ADAMTS12: variants seen among roughly 807,000 people sequenced by gnomAD.
The protein encoded by ADAMTS12 is ADAM metallopeptidase with thrombospondin type 1 motif 12.
A neutral mutation model predicts 167.8 loss-of-function variants in ADAMTS12; 118 were observed. That is an observed-to-expected ratio of 0.70 (90% CI 0.61 to 0.82). The LOEUF (loss-of-function observed/expected upper bound fraction) is 0.82, where lower values mean the gene tolerates loss of function less well. Among genes scored for constraint, ADAMTS12 ranks in the 40% least tolerant of loss-of-function variants. The pLI, the probability that ADAMTS12 is intolerant of heterozygous loss-of-function variation, is 0.00. For missense variants in ADAMTS12, 1,916 were observed against 1,998.8 expected (o/e 0.96, Z 0.79); for synonymous variants, 704 against 716.9 (o/e 0.98, Z 0.29).
chr5:33,891,177 A>G (rs1360482616), intron 1 of ADAMTS12, among the ~76,000 whole-genome samples: 4 of 152,172 alleles, frequency 2.6e-5, no homozygotes, highest in African/African-American at 4.8e-5. Context: ...GGAAAAAGTG[A>G]GCCCTTATGG....
intron 2 of ADAMTS12, among the ~76,000 whole-genome samples, chr5:33,796,617 G>T (rs1453802591): frequency 6.6e-6 from 1 of 152,106 alleles, no homozygotes; most frequent in Non-Finnish European, 1.5e-5. Flanking sequence ...CCAATGAGTT[G>T]TAAGAGTAAA....
chr5:33,653,805 T>C (rs969084847), intron 7 of ADAMTS12, among the ~76,000 whole-genome samples: 2 of 152,186 alleles, frequency 1.3e-5, no homozygotes, highest in Non-Finnish European at 2.9e-5. Flanking sequence ...TTTAACCTGG[T>C]TGAGTTTCTC....
intron 1 of ADAMTS12, chr5:33,891,518 C>T (rs1580031735): frequency 1.6e-6 from 1 of 631,848 alleles, no homozygotes; most frequent in Non-Finnish European, 2.7e-6. Context: ...GAGGTACTCA[C>T]CTTTCTATAA....
chr5:33,572,125 G>A (rs1053041964), intron 19 of ADAMTS12, among the ~76,000 whole-genome samples: 4 of 151,984 alleles, frequency 2.6e-5, no homozygotes, highest in Non-Finnish European at 5.9e-5. Flanking sequence ...CAACCAAAAA[G>A]AGTCCAGGAC....
At chr5:33,747,255 G>T (rs1373861685) in intron 3 of ADAMTS12, among the ~76,000 whole-genome samples, 1 of 152,134 alleles carries the variant, frequency 6.6e-6, no homozygotes, top group East Asian at 1.9e-4. Context: ...GTCCAGGGGA[G>T]ACAACTATTC....
At chr5:33,563,581 C>A (rs181448054) in intron 19 of ADAMTS12, among the ~76,000 whole-genome samples, 1 of 152,292 alleles carries the variant, frequency 6.6e-6, no homozygotes, top group Admixed American at 6.5e-5. Context: ...CACATCAGCA[C>A]CATATGAACA....
intron 2 of ADAMTS12, among the ~76,000 whole-genome samples, chr5:33,836,568 C>T (rs1251730964): frequency 6.6e-6 from 1 of 152,092 alleles, no homozygotes; most frequent in Non-Finnish European, 1.5e-5. Flanking sequence ...GGGAGGCAGA[C>T]AACGGGACCA....
chr5:33,883,804 A>T (rs184372225), intron 1 of ADAMTS12, among the ~76,000 whole-genome samples: 4 of 152,314 alleles, frequency 2.6e-5, no homozygotes, highest in African/African-American at 9.6e-5. Context: ...CCATGAACTG[A>T]GGTGTATAAC....
chr5:33,688,337 A>G (rs981571408), intron 3 of ADAMTS12, among the ~76,000 whole-genome samples: 1 of 152,204 alleles, frequency 6.6e-6, no homozygotes, highest in African/African-American at 2.4e-5. Flanking sequence ...GAAAATTTCC[A>G]GTGCTGAGAG....
At chr5:33,558,876 T>C (rs1196416214) in intron 20 of ADAMTS12, among the ~76,000 whole-genome samples, 1 of 149,890 alleles carries the variant, frequency 6.7e-6, no homozygotes, top group Non-Finnish European at 1.5e-5. Context: ...TGTTATGAGT[T>C]GGAAGAGAAA....
chr5:33,836,824 G>A (rs1186951090), intron 2 of ADAMTS12, among the ~76,000 whole-genome samples: 2 of 152,180 alleles, frequency 1.3e-5, no homozygotes, highest in African/African-American at 4.8e-5. Context: ...CTAGGCCAAG[G>A]TGGCCAGAGC....
chr5:33,592,251 CA>C (rs1175762269), intron 17 of ADAMTS12, among the ~76,000 whole-genome samples: 1 of 150,468 alleles, frequency 6.6e-6, no homozygotes. Context: ...ACAAAAAAAA[CA>C]AAAAACAAAA....
At chr5:33,751,267 G>C in intron 3 of ADAMTS12, 137 bp downstream of exon 3, 1 of 1,057,314 alleles carries the variant, frequency 9.5e-7, no homozygotes, top group Non-Finnish European at 1.4e-6. Flanking sequence ...GAAGAGATTT[G>C]AATGTCATGA....
rs186422115 is a variant in ADAMTS12 at position 33,544,553 on chromosome 5, A to C, written c.4446+1506T>G. ...AACCAAAAAAGAGCCTGCAGTGCCA[A>C]GTCAATCCTAAGCAAAAAGAACAAA... On this transcript the variant is annotated intron_variant, in intron 22 of 23. Coordinates refer to ENST00000504830, the MANE Select transcript of ADAMTS12 (RefSeq NM_030955.4). Among the ~76,000 whole-genome samples, 451 of 152,340 alleles carry C rather than the reference A, an allele frequency of 3.0e-3. 5 individuals are homozygous for C. The highest frequency in any genetic ancestry group is 0.01 in the African/African-American group (431 of 41,574).
intron 2 of ADAMTS12, among the ~76,000 whole-genome samples, chr5:33,861,124 C>T (rs1749599911): frequency 6.6e-6 from 1 of 152,178 alleles, no homozygotes; most frequent in South Asian, 2.1e-4. Flanking sequence ...ACTGCATCAA[C>T]TAACAGCCAA....
At chr5:33,867,522 T>C (rs1749867584) in intron 2 of ADAMTS12, among the ~76,000 whole-genome samples, 1 of 152,200 alleles carries the variant, frequency 6.6e-6, no homozygotes, top group South Asian at 2.1e-4. Context: ...GTACACTAGT[T>C]GGGTGATGCG....
intron 2 of ADAMTS12, among the ~76,000 whole-genome samples, chr5:33,765,602 TTGCTGGA>T (rs1352060417): frequency 5.1e-4 from 78 of 152,314 alleles, no homozygotes; most frequent in African/African-American, 1.8e-3. Context: ...GGAGATGAAC[TTGCTGGA>T]AGCAAATGAC....
intron 2 of ADAMTS12, among the ~76,000 whole-genome samples, chr5:33,753,036 T>C (rs1016996459): frequency 1.3e-5 from 2 of 152,202 alleles, no homozygotes; most frequent in African/African-American, 4.8e-5. Flanking sequence ...AGCACTTTAC[T>C]GGGAGTAATA....
chr5:33,684,043 A>T lies in ADAMTS12; in HGVS notation c.647T>A (p.Ile216Asn). ...PTCGLKDSVN[I>N]SQKQELWREK... Reference sequence around the variant, plus strand: ...CCGCCATAGCTCTTGCTTCTGGGAGATGTTAACACTGTCTAAACAGTAAAC... The same window carrying T: ...CCGCCATAGCTCTTGCTTCTGGGAGTTGTTAACACTGTCTAAACAGTAAAC... The change falls in exon 4 of 24, where the codon ATC (isoleucine) becomes AAC (asparagine). Residue 216 changes from isoleucine (I) to asparagine (N), a missense_variant. Transcript: ENST00000504830. 6.3e-7 allele frequency: 1 copy of T among 1,593,936 alleles called. No individual in the cohort carries two copies. The highest frequency in any genetic ancestry group is 8.5e-7 in the Non-Finnish European group (1 of 1,170,296).
Sources: allele counts gnomAD v4.1 joint callset (sites outside exome capture counted in the v4.1 genomes callset), GRCh38; gene constraint gnomAD v4.1.1; transcripts MANE v1.5; gene names NCBI Gene and HGNC (gene_info 2026-07-23, HGNC 2026-07-21).